The following TRA2A variants were observed in gnomAD, a reference collection of about 807,000 sequenced individuals.
TRA2A encodes the protein transformer 2 alpha homolog.
TRA2A carries 31 observed loss-of-function variants against 45.7 expected under a neutral mutation model. That is an observed-to-expected ratio of 0.68 (90% CI 0.51 to 0.92). The LOEUF is 0.92. TRA2A is among the 40% of genes least tolerant of loss of function. The pLI, the probability that TRA2A is intolerant of heterozygous loss-of-function variation, is 0.00. For synonymous variants in TRA2A, 132 were observed against 126.2 expected (o/e 1.05, Z -0.31); for missense variants, 304 against 367.5 (o/e 0.83, Z 1.41).
At chr7:23,517,503 A>AAAAAAAAAAAGAGAG (rs764849438) in intron 2 of TRA2A, among the ~76,000 whole-genome samples, 8 of 116,250 alleles carry the variant, frequency 6.9e-5, no homozygotes, top group East Asian at 3.3e-4. Flanking sequence ...AAAAAAAAAA[A>AAAAAAAAAAAGAGAG]AGAGAGAAAG....
Position 23,531,866 on chromosome 7 carries a change from C to T in TRA2A, c.-42G>A. ...CCAGAACTAAATAAGAGACAAGTCTCGGCTCGAGGGCCGATGGCCTAATTA... is the reference window on the plus strand; with the variant it reads ...CCAGAACTAAATAAGAGACAAGTCTTGGCTCGAGGGCCGATGGCCTAATTA... On this transcript the variant is annotated 5_prime_UTR_variant, in exon 1 of 8. Transcript: ENST00000297071. The T allele has an allele frequency of 6.2e-7, 1 of 1,610,914 alleles. No homozygotes were observed. The highest frequency in any genetic ancestry group is 8.5e-7 in the Non-Finnish European group (1 of 1,178,650).
In TRA2A at chr7:23,521,731, T is replaced by C. The variant is rs752064963; in HGVS notation, c.146A>G (p.His49Arg). 2.5e-6 allele frequency: 4 copies of C among 1,614,200 alleles called. No homozygotes were observed. In the East Asian group the frequency reaches 6.7e-5, roughly 27 times the overall value. Residue 49 changes from histidine (H) to arginine (R), a missense_variant, in exon 2 of 8, where the codon CAT becomes CGT. By Grantham distance (29) the His-to-Arg change is conservative. Coordinates refer to ENST00000297071, the MANE Select transcript of TRA2A (RefSeq NM_013293.5). ...CCTGGATTTTGATCTTGATCGAGAA[T>C]GGGATTCAGAGTGTTTGGAAACCCT... ...PSRVSKHSESHSRSRSKSRSR... is the reference protein window; with the variant it reads ...PSRVSKHSESRSRSRSKSRSR...
At chr7:23,527,806 T>C (rs1010141806) in intron 1 of TRA2A, among the ~76,000 whole-genome samples, 1 of 152,202 alleles carries the variant, frequency 6.6e-6, no homozygotes, top group Non-Finnish European at 1.5e-5. Context: ...GTGGGTATAA[T>C]TACTTGCACT....
intron 4 of TRA2A, among the ~76,000 whole-genome samples, chr7:23,508,643 C>T (rs1342758018): frequency 6.6e-6 from 1 of 152,066 alleles, no homozygotes; most frequent in Admixed American, 6.6e-5. Flanking sequence ...TACAGGCATG[C>T]GCCACCATGC....
At position 23,506,124 on chromosome 7, in the gene TRA2A, A is replaced by C; in HGVS notation, c.770+14T>G. On this transcript the variant is annotated intron_variant, in intron 6 of 7. Transcript: ENST00000297071. ...CATCTAATTTAGAACAGAAAGCTCA[A>C]GTTAAAACATTACCTGTATCGGTAA... 1 of 1,598,248 alleles carries C rather than the reference A, an allele frequency of 6.3e-7. No homozygotes were observed. Among genetic ancestry groups the C allele is most frequent in the African/African-American group, 1.3e-5 (1 of 74,676 alleles).
intron 1 of TRA2A, among the ~76,000 whole-genome samples, chr7:23,528,731 G>A (rs907559079): frequency 6.6e-6 from 1 of 150,696 alleles, no homozygotes; most frequent in Non-Finnish European, 1.5e-5. Flanking sequence ...GCAGTGATGC[G>A]ATCTCGGCTC....
intron 4 of TRA2A, among the ~76,000 whole-genome samples, chr7:23,510,588 G>A (rs143766869): frequency 0.017 from 2,617 of 152,116 alleles, 82 homozygotes; most frequent in African/African-American, 0.06. Flanking sequence ...TCAGCCTCCC[G>A]AAGTGCTGGG....
In TRA2A at chr7:23,531,647, T is replaced by G. The variant is rs1394833276; in HGVS notation, c.36+142A>C. 2.8e-5 allele frequency: 24 copies of G among 846,060 alleles called. No homozygotes were observed. In the South Asian group the frequency reaches 3.6e-4, roughly 13 times the overall value. The allele number at this position is 846,060 out of a possible 1,614,324, so 52.4% of individuals were successfully genotyped here. On this transcript the variant is annotated intron_variant, in intron 1 of 7. Transcript: ENST00000297071. ...GAAGGAGTGGAACCCAGAAGCCATC[T>G]TGGGATGGGAGGAATCAATCGCGAT...
intron 4 of TRA2A, among the ~76,000 whole-genome samples, chr7:23,509,018 A>G (rs911918161): frequency 6.6e-6 from 1 of 151,222 alleles, no homozygotes; most frequent in African/African-American, 2.4e-5. Context: ...ACACACATAT[A>G]TATATTTGTA....
intron 3 of TRA2A, among the ~76,000 whole-genome samples, chr7:23,515,924 C>G (rs532737460): frequency 1.3e-5 from 2 of 151,762 alleles, no homozygotes; most frequent in Non-Finnish European, 2.9e-5. Context: ...CCTGTAACCC[C>G]AGCACTTTGG....
At chr7:23,511,549 G>A (rs1789622968) in intron 4 of TRA2A, among the ~76,000 whole-genome samples, 1 of 151,764 alleles carries the variant, frequency 6.6e-6, no homozygotes, top group African/African-American at 2.4e-5. Context: ...TCTTTAAAAT[G>A]CAATTTTCTA....
intron 5 of TRA2A, chr7:23,507,090 G>A: frequency 4.2e-6 from 1 of 235,992 alleles, no homozygotes; most frequent in Middle Eastern, 1.7e-3. Flanking sequence ...AGCCAGGAGG[G>A]TTGTATATTT....
chr7:23,525,680 C>T (rs1469099696), intron 1 of TRA2A, among the ~76,000 whole-genome samples: 1 of 152,182 alleles, frequency 6.6e-6, no homozygotes, highest in East Asian at 1.9e-4. Flanking sequence ...TTGCAACCTC[C>T]AACTCCTGGG....
intron 1 of TRA2A, 181 bp downstream of exon 1, chr7:23,531,608 C>T (rs2128002869): frequency 1.6e-6 from 1 of 641,892 alleles, no homozygotes; most frequent in Non-Finnish European, 2.7e-6. Flanking sequence ...GGGGTGTTAT[C>T]CGTGGTGTTT....
At chr7:23,522,583 T>C (rs959643659) in intron 1 of TRA2A, among the ~76,000 whole-genome samples, 2 of 150,838 alleles carry the variant, frequency 1.3e-5, no homozygotes, top group Admixed American at 6.6e-5. Context: ...AACAATTTTA[T>C]AGTCTTTAAA....
In TRA2A at chr7:23,506,144, C is replaced by T. The variant is rs754412749; in HGVS notation, c.764G>A (p.Arg255Gln). The T allele has an allele frequency of 8.1e-6, 13 of 1,602,192 alleles. No individual in the cohort carries two copies. The Admixed American group carries it at 1.4e-4, about 17-fold the overall frequency. The part of the protein sequence containing the change: ...GYDRYEDYDY[R>Q]YRRRSPSPYY... ...GCTCAAGTTAAAACATTACCTGTAT[C>T]GGTAATCATAGTCTTCATATCTGTC... The change falls in exon 6 of 8, where the codon CGA becomes CAA. Residue 255 changes from arginine (R) to glutamine (Q), a missense_variant. This residue lies in a region of TRA2A where 42 missense variants were observed against 37.0 expected (regional missense o/e 1.14). Transcript: ENST00000297071.
chr7:23,527,818 C>T (rs545326447), intron 1 of TRA2A, among the ~76,000 whole-genome samples: 2 of 152,298 alleles, frequency 1.3e-5, no homozygotes, highest in African/African-American at 4.8e-5. Context: ...ACTTGCACTG[C>T]TCCTTTTCAA....
chr7:23,506,868 G>A (rs758340832), intron 5 of TRA2A, among the ~76,000 whole-genome samples: 11 of 151,934 alleles, frequency 7.2e-5, no homozygotes, highest in African/African-American at 2.7e-4. Flanking sequence ...CCCTGCCTCC[G>A]GGGTTCATGC....
At chr7:23,507,248 T>A (rs768888640) in intron 5 of TRA2A, 172 bp downstream of exon 5, 32 of 577,710 alleles carry the variant, frequency 5.5e-5, no homozygotes, top group Non-Finnish European at 8.9e-5. Context: ...TACAGGCATG[T>A]GCCACCACAC....
Sources: gnomAD v4.1 joint callset for allele counts (sites outside exome capture counted in the v4.1 genomes callset) on GRCh38, gnomAD v4.1.1 for gene constraint, gnomAD v4.1.1 regional missense constraint, MANE v1.5 for transcripts, NCBI Gene and HGNC (gene_info 2026-07-23, HGNC 2026-07-21) for gene names.